Variants in PTPRD observed in about 807,000 individuals in gnomAD.
PTPRD encodes receptor-type tyrosine-protein phosphatase delta.
PTPRD carries 34 observed loss-of-function variants against 214.5 expected under a neutral mutation model. The observed-to-expected ratio is 0.16, with a 90% confidence interval of 0.12 to 0.21. The LOEUF is 0.21. PTPRD is among the 10% of genes least tolerant of loss of function. PTPRD has a pLI of 1.00. For synonymous variants in PTPRD, 1,128 were observed against 845.7 expected (o/e 1.33, Z -5.79); for missense variants, 2,545 against 2,398.7 (o/e 1.06, Z -1.27).
chr9:9,202,601 G>A (rs1183703349), intron 9 of PTPRD, among the ~76,000 whole-genome samples: 2 of 152,128 alleles, frequency 1.3e-5, no homozygotes, highest in Non-Finnish European at 2.9e-5. Flanking sequence ...TGGGGGATGG[G>A]GGGTGTAGTG....
intron 3 of PTPRD, among the ~76,000 whole-genome samples, chr9:10,298,615 A>C (rs1443362571): frequency 4.6e-5 from 7 of 152,102 alleles, no homozygotes; most frequent in Admixed American, 2.6e-4. Flanking sequence ...AGATATAGAC[A>C]AAATACAAGG....
chr9:8,614,660 G>A (rs1398376032), intron 14 of PTPRD, among the ~76,000 whole-genome samples: 2 of 152,026 alleles, frequency 1.3e-5, no homozygotes, highest in African/African-American at 2.4e-5. Flanking sequence ...AAATAAGAGG[G>A]CATATAAGGG....
At chr9:10,475,118 A>G (rs771509007) in intron 2 of PTPRD, among the ~76,000 whole-genome samples, 1 of 152,154 alleles carries the variant, frequency 6.6e-6, no homozygotes, top group Non-Finnish European at 1.5e-5. Context: ...AGCAGAAGAC[A>G]AGAAATAACT....
At chr9:10,092,922 C>T (rs1032564887) in intron 3 of PTPRD, among the ~76,000 whole-genome samples, 4 of 151,728 alleles carry the variant, frequency 2.6e-5, no homozygotes, top group Admixed American at 6.6e-5. Context: ...AAACTGGACT[C>T]CTGCCTTTTA....
intron 8 of PTPRD, among the ~76,000 whole-genome samples, chr9:9,563,895 T>G (rs926269884): frequency 6.6e-6 from 1 of 152,184 alleles, no homozygotes; most frequent in Non-Finnish European, 1.5e-5. Context: ...TCCATTGATA[T>G]CCTGGCTTTC....
chr9:10,097,570 A>G (rs1444378093), intron 3 of PTPRD, among the ~76,000 whole-genome samples: 1 of 151,474 alleles, frequency 6.6e-6, no homozygotes, highest in Non-Finnish European at 1.5e-5. Flanking sequence ...AACGCTTGTG[A>G]TTTTTGCACA....
chr9:8,747,586 T>C (rs1290764163), intron 11 of PTPRD, among the ~76,000 whole-genome samples: 2 of 152,162 alleles, frequency 1.3e-5, no homozygotes, highest in Non-Finnish European at 2.9e-5. Context: ...GAAGGACACT[T>C]AGTATGGGGT....
At chr9:9,329,976 T>C (rs1048423060) in intron 9 of PTPRD, among the ~76,000 whole-genome samples, 3 of 152,288 alleles carry the variant, frequency 2.0e-5, no homozygotes, top group African/African-American at 7.2e-5. Context: ...TGGCTTTTCC[T>C]TGATTTCCCC....
chr9:9,985,740 T>C (rs2095687814), intron 4 of PTPRD, among the ~76,000 whole-genome samples: 1 of 151,968 alleles, frequency 6.6e-6, no homozygotes, highest in South Asian at 2.1e-4. Flanking sequence ...ATTGATAAGA[T>C]ATTATCATTT....
intron 23 of PTPRD, among the ~76,000 whole-genome samples, chr9:8,502,309 G>A (rs1200353791): frequency 6.6e-6 from 1 of 152,102 alleles, no homozygotes; most frequent in Non-Finnish European, 1.5e-5. Flanking sequence ...AATGTATATG[G>A]TAGACTGAAT....
intron 14 of PTPRD, among the ~76,000 whole-genome samples, chr9:8,543,018 A>C (rs1038165475): frequency 6.6e-6 from 1 of 152,232 alleles, no homozygotes; most frequent in African/African-American, 2.4e-5. Context: ...CTCCTGAATA[A>C]GAGGAAGAAT....
intron 12 of PTPRD, among the ~76,000 whole-genome samples, chr9:8,701,888 TC>T (rs2098093474): frequency 1.3e-5 from 2 of 152,270 alleles, no homozygotes; most frequent in South Asian, 4.1e-4. Flanking sequence ...TTTATTGTAA[TC>T]TTTATTCTTT....
intron 30 of PTPRD, 44 bp from the exon 31 acceptor site, chr9:8,471,129 G>A (rs974751012): frequency 5.9e-6 from 9 of 1,522,202 alleles, no homozygotes; most frequent in East Asian, 2.3e-5. Context: ...GTTGAAAGGA[G>A]GAAAACGTGG....
intron 10 of PTPRD, among the ~76,000 whole-genome samples, chr9:9,115,012 G>T (rs941193291): frequency 6.6e-6 from 1 of 152,162 alleles, no homozygotes; most frequent in African/African-American, 2.4e-5. Flanking sequence ...AGAGAGGACC[G>T]TGTATAAGGT....
chr9:9,817,496 C>T (rs150250020), intron 5 of PTPRD, among the ~76,000 whole-genome samples: 47 of 152,204 alleles, frequency 3.1e-4, no homozygotes, highest in African/African-American at 1.1e-3. Context: ...TCAAATATGT[C>T]TTTAGAGGCC....
intron 8 of PTPRD, among the ~76,000 whole-genome samples, chr9:9,521,645 C>G (rs1363618136): frequency 6.6e-6 from 1 of 152,058 alleles, no homozygotes; most frequent in Non-Finnish European, 1.5e-5. Context: ...AAGAGATTTC[C>G]TTTAGGAAAT....
intron 8 of PTPRD, among the ~76,000 whole-genome samples, chr9:9,416,366 C>A (rs1402832306): frequency 6.6e-6 from 1 of 152,168 alleles, no homozygotes; most frequent in Non-Finnish European, 1.5e-5. Context: ...TCCCAGCTCT[C>A]CCACTTAATA....
At chr9:8,683,394 A>T (rs1309598682) in intron 12 of PTPRD, among the ~76,000 whole-genome samples, 2 of 152,224 alleles carry the variant, frequency 1.3e-5, no homozygotes, top group East Asian at 1.9e-4. Flanking sequence ...TCAAAAAAAA[A>T]AAAAAAAGTG....
At chr9:8,523,714 T>C (rs986380082) in intron 18 of PTPRD, among the ~76,000 whole-genome samples, 190 bp from the exon 19 acceptor site, 1 of 152,132 alleles carries the variant, frequency 6.6e-6, no homozygotes, top group African/African-American at 2.4e-5. Context: ...TAACATGGTA[T>C]TAGAAACAAT....
Sources: gnomAD v4.1 joint callset for allele counts (sites outside exome capture counted in the v4.1 genomes callset) on GRCh38, gnomAD v4.1.1 for gene constraint, MANE v1.5 for transcripts, NCBI Gene and HGNC (gene_info 2026-07-23, HGNC 2026-07-21) for gene names.